Variants in ATP8B4 observed in about 807,000 individuals in gnomAD.
The protein encoded by ATP8B4 is probable phospholipid-transporting ATPase IM.
A neutral mutation model predicts 145.6 loss-of-function variants in ATP8B4; 133 were observed. The ratio of observed to expected loss-of-function variants is 0.91; its 90% CI spans 0.79 to 1.05. ATP8B4 has a LOEUF of 1.05. Ranked by LOEUF, ATP8B4 falls within the 50% of genes least tolerant of loss-of-function variation. The pLI is 0.00. For synonymous variants in ATP8B4, 507 were observed against 492.9 expected (o/e 1.03, Z -0.38); for missense variants, 1,458 against 1,425.2 (o/e 1.02, Z -0.37).
chr15:49,975,467 T>C (rs1317531632), intron 12 of ATP8B4, among the ~76,000 whole-genome samples: 1 of 152,164 alleles, frequency 6.6e-6, no homozygotes, highest in Non-Finnish European at 1.5e-5. Flanking sequence ...AAATGCTATG[T>C]AAATAGTTGT....
At chr15:50,071,901 G>A (rs1017836763) in intron 3 of ATP8B4, among the ~76,000 whole-genome samples, 5 of 152,120 alleles carry the variant, frequency 3.3e-5, no homozygotes, top group African/African-American at 1.2e-4. Flanking sequence ...AATCTGTCAT[G>A]GAGGTGGCAT....
intron 2 of ATP8B4, among the ~76,000 whole-genome samples, chr15:50,084,303 T>C (rs555197606): frequency 1.3e-4 from 20 of 152,300 alleles, no homozygotes; most frequent in African/African-American, 4.8e-4. Flanking sequence ...CCTCACTTTA[T>C]TTACCTATTC....
At chr15:50,049,495 C>T (rs935060998) in intron 3 of ATP8B4, among the ~76,000 whole-genome samples, 1 of 152,156 alleles carries the variant, frequency 6.6e-6, no homozygotes, top group Non-Finnish European at 1.5e-5. Context: ...TTTTTTTATG[C>T]CTGTGTGGTA....
At chr15:49,963,087 C>T (rs563953960) in intron 13 of ATP8B4, among the ~76,000 whole-genome samples, 9 of 151,940 alleles carry the variant, frequency 5.9e-5, no homozygotes, top group Non-Finnish European at 1.0e-4. Flanking sequence ...ACCCGACAAC[C>T]GCCATTAAAA....
chr15:50,028,337 G>A (rs1233349330), intron 6 of ATP8B4, among the ~76,000 whole-genome samples: 1 of 152,126 alleles, frequency 6.6e-6, no homozygotes, highest in Non-Finnish European at 1.5e-5. Context: ...TGCCTAACAT[G>A]GAATAAGGAA....
At chr15:50,032,123 C>T (rs778781759) in intron 6 of ATP8B4, among the ~76,000 whole-genome samples, 1 of 152,002 alleles carries the variant, frequency 6.6e-6, no homozygotes, top group Non-Finnish European at 1.5e-5. Flanking sequence ...CCTATCAACC[C>T]GTCATCTAGG....
intron 5 of ATP8B4, among the ~76,000 whole-genome samples, chr15:50,041,934 C>A (rs1033078910): frequency 6.7e-6 from 1 of 149,168 alleles, no homozygotes; most frequent in Non-Finnish European, 1.5e-5. Flanking sequence ...AGCAAAACTC[C>A]GTCTCAAAAC....
At chr15:50,162,698 G>A (rs2044539566) in intron 1 of ATP8B4, among the ~76,000 whole-genome samples, 1 of 151,830 alleles carries the variant, frequency 6.6e-6, no homozygotes, top group Admixed American at 6.5e-5. Context: ...AGTAGAGGCG[G>A]GGTTTCACTG....
intron 3 of ATP8B4, among the ~76,000 whole-genome samples, chr15:50,060,799 AG>A (rs1205885325): frequency 2.0e-5 from 3 of 152,108 alleles, no homozygotes; most frequent in Non-Finnish European, 4.4e-5. Flanking sequence ...GTGGGGCCCG[AG>A]AGTCTGCATT....
In ATP8B4 at chr15:50,119,179, G is replaced by C. The variant is rs144005801; in HGVS notation, c.-99C>G. On this transcript the variant is annotated 5_prime_UTR_variant, in exon 1 of 28. The change creates a new upstream start codon in the 5' untranslated region. Coordinates refer to ENST00000284509, the MANE Select transcript of ATP8B4 (RefSeq NM_024837.4). Reference sequence around the variant, plus strand: ...GGAAGATTTCTCAGCAGTGCAGGAAGATCAAACAGGTATCCATTCCGTGAC... The same window carrying C: ...GGAAGATTTCTCAGCAGTGCAGGAACATCAAACAGGTATCCATTCCGTGAC... 2 of 152,288 alleles carry C rather than the reference G, an allele frequency of 1.3e-5. No individual in the cohort carries two copies. Among genetic ancestry groups the C allele is most frequent in the African/African-American group, 4.8e-5 (2 of 41,446 alleles). The allele number at this position is 152,288 out of a possible 1,614,324, so 9.4% of individuals were successfully genotyped here.
upstream of ATP8B4, among the ~76,000 whole-genome samples, chr15:50,120,197 C>G (rs1310550431): frequency 6.6e-6 from 1 of 152,114 alleles, no homozygotes; most frequent in African/African-American, 2.4e-5. Context: ...CAACTCCACT[C>G]TCCTGGAACA....
intron 10 of ATP8B4, among the ~76,000 whole-genome samples, chr15:49,986,787 G>T (rs947013316): frequency 1.3e-5 from 2 of 152,192 alleles, no homozygotes; most frequent in African/African-American, 4.8e-5. Flanking sequence ...GCAAGAGAGG[G>T]CCACCTCGGG....
At chr15:49,949,063 T>A in intron 14 of ATP8B4, among the ~76,000 whole-genome samples, 1 of 152,176 alleles carries the variant, frequency 6.6e-6, no homozygotes, top group South Asian at 2.1e-4. Context: ...CTGTTTTGGT[T>A]ATGGTAGCCT....
intron 23 of ATP8B4, among the ~76,000 whole-genome samples, chr15:49,884,083 C>T (rs1349439561): frequency 6.6e-6 from 1 of 152,146 alleles, no homozygotes; most frequent in Non-Finnish European, 1.5e-5. Flanking sequence ...ATTTTGTAAA[C>T]ACATCATGGG....
upstream of ATP8B4, among the ~76,000 whole-genome samples, chr15:50,122,523 TTG>T (rs1283011444): frequency 2.2e-5 from 3 of 138,586 alleles, no homozygotes; most frequent in Admixed American, 7.4e-5. Context: ...TTAGGTTTTG[TTG>T]TGTTTGTCTG....
rs549699710 is a variant in ATP8B4 at position 50,146,682 on chromosome 15, C to T, written c.-43+35579G>A. ...AGCTAAAGACAGGGTCCTTTTCCGT[C>T]CCATGGTCACCAACATTTAGGCTCA... On this transcript the variant is annotated intron_variant, in intron 1 of 3. Transcript: ENST00000558829. Among the ~76,000 whole-genome samples the T allele has an allele frequency of 5.7e-4, 87 of 152,270 alleles. No homozygotes were observed. The South Asian group carries it at 0.018, about 31-fold the overall frequency.
intron 1 of ATP8B4, among the ~76,000 whole-genome samples, chr15:50,144,812 A>G (rs747462254): frequency 1.8e-4 from 27 of 151,626 alleles, no homozygotes; most frequent in Non-Finnish European, 1.5e-4. Flanking sequence ...CTATCAACTC[A>G]TATCTATGAT....
rs919044925 is a variant in ATP8B4 at position 50,143,877 on chromosome 15, C to T, written c.-42-36869G>A. ...AGAAAACCCAGAAAATACAGGCCTA[C>T]GTTGTAGACTGCCTTGCATGTCTGA... On this transcript the variant is annotated intron_variant, in intron 1 of 3. Coordinates refer to the ATP8B4 transcript ENST00000558829. Among the ~76,000 whole-genome samples the T allele has an allele frequency of 5.9e-5, 9 of 152,160 alleles. No homozygotes were observed. In the East Asian group the frequency reaches 1.5e-3, roughly 26 times the overall value.
In ATP8B4 at chr15:49,898,178, C is replaced by A. The variant is rs145377032; in HGVS notation, c.2363G>T (p.Cys788Phe). The A allele has an allele frequency of 3.9e-5, 63 of 1,613,720 alleles. No homozygotes were observed. In the African/African-American group the frequency reaches 5.6e-4, roughly 14 times the overall value. The part of the protein sequence containing the change: ...LACMCKTVIC[C>F]RVTPLQKAQV... ...GGCTTTCTGGAGTGGAGTGACCCTG[C>A]AGCAAATTACAGTCTTACACATGCA... The change falls in exon 22 of 28, where the codon TGC becomes TTC. Residue 788 changes from cysteine (C) to phenylalanine (F), a missense_variant. Transcript: ENST00000284509.
Sources: gnomAD v4.1 joint callset for allele counts (sites outside exome capture counted in the v4.1 genomes callset) on GRCh38, gnomAD v4.1.1 for gene constraint, MANE v1.5 for transcripts, NCBI Gene and HGNC (gene_info 2026-07-23, HGNC 2026-07-21) for gene names.